The following JAK3 variants were observed in gnomAD, a reference collection of about 807,000 sequenced individuals.
JAK3 encodes Janus kinase 3.
A neutral mutation model predicts 120.8 loss-of-function variants in JAK3; 88 were observed. The observed-to-expected ratio is 0.73, with a 90% CI of 0.61 to 0.87. The LOEUF (loss-of-function observed/expected upper bound fraction) is 0.87. JAK3 is among the 40% of genes least tolerant of loss of function. The probability of loss-of-function intolerance (pLI) is 0.00; values close to 1 mark genes in which losing one functional copy is unlikely to be tolerated. For synonymous variants in JAK3, 592 were observed against 628.6 expected, an observed-to-expected ratio of 0.94 and a Z score of 0.87; for missense variants, 1,254 against 1,501.4, an observed-to-expected ratio of 0.84 and a Z score of 2.72.
intron 22 of JAK3, 40 bp from the exon 23 acceptor site, chr19:17,830,258 T>C (rs779854145): frequency 3.8e-6 from 4 of 1,043,426 alleles, no homozygotes; most frequent in Non-Finnish European, 5.4e-6. Flanking sequence ...GGGAGGAGCC[T>C]CCGTGGGTGG....
intron 23 of JAK3, chr19:17,829,907 T>C (rs911452834): frequency 3.1e-6 from 2 of 636,070 alleles, no homozygotes; most frequent in Non-Finnish European, 2.9e-6. Context: ...TATTCTCATT[T>C]TGGAAAAGGG....
chr19:17,846,063 C>T (rs2094251495), intron 1 of JAK3, among the ~76,000 whole-genome samples: 2 of 152,088 alleles, frequency 1.3e-5, no homozygotes, highest in Admixed American at 1.3e-4. Flanking sequence ...AGTGATCCTC[C>T]TGCCTCGGAC....
At chr19:17,837,241 T>A (rs765603614) in intron 12 of JAK3, 28 bp from the exon 13 acceptor site, 25 of 1,531,600 alleles carry the variant, frequency 1.6e-5, no homozygotes, top group Non-Finnish European at 2.0e-5. Context: ...GGAGAGAAGA[T>A]GCGTGGGTTT....
intron 14 of JAK3, 31 bp downstream of exon 14, chr19:17,835,893 T>TG (rs1228439620): frequency 1.2e-6 from 2 of 1,612,726 alleles, no homozygotes; most frequent in African/African-American, 2.7e-5. Context: ...TCCCTGGGAA[T>TG]GGAGGGTGGA....
chr19:17,833,044 AG>A, intron 17 of JAK3, 115 bp from the exon 18 acceptor site: 1 of 1,509,426 alleles, frequency 6.6e-7, no homozygotes, highest in Non-Finnish European at 8.9e-7. Flanking sequence ...GCATTATGGC[AG>A]GGCCATTGCA....
Position 17,832,436 on chromosome 19 carries a change from A to G in JAK3, c.2680+83T>C. The G allele has an allele frequency of 1.5e-6, 2 of 1,358,738 alleles. No individual in the cohort carries two copies. The highest frequency in any genetic ancestry group is 4.6e-5 in the East Asian group (2 of 43,670). The allele number at this position is 1,358,738 out of a possible 1,614,324, so 84.2% of individuals were successfully genotyped here. ...CAATAATCACGTTCCCAGCCTACCT[A>G]AAGTGGCCTGGCAGGAGGGTAAGAA... On this transcript the variant is annotated intron_variant, in intron 19 of 23. Transcript: ENST00000458235. This position sits in a 1 kb window ranked among gnomAD's most constrained non-coding sequence, Gnocchi z 4.7.
At chr19:17,827,153 A>G (rs1373464554) in intron 23 of JAK3, among the ~76,000 whole-genome samples, 3 of 151,468 alleles carry the variant, frequency 2.0e-5, no homozygotes, top group African/African-American at 7.3e-5. Flanking sequence ...CTAATTTTGT[A>G]TTTTGAGTAG....
In JAK3 at chr19:17,843,796, C is replaced by T; in HGVS notation, c.289G>A (p.Val97Ile). ...IFSVEDASTQ[V>I]LLYRIRFYFP... The stretch of plus-strand genomic sequence containing the variant: ...TCCTACCGAATCCTGTACAGCAGGA[C>T]TTGGGTGCTGGCATCCTCCACGGAG... Residue 97 changes from valine to isoleucine, a missense_variant, in exon 3 of 24, where the codon GTC becomes ATC. By Grantham distance (29) the Val-to-Ile change is conservative. Coordinates refer to ENST00000458235, the MANE Select transcript of JAK3 (RefSeq NM_000215.4). The surrounding 1 kb of genome is among the most constrained non-coding windows in gnomAD (Gnocchi z 5.4). The T allele has an allele frequency of 6.2e-7, 1 of 1,613,610 alleles. No homozygotes were observed. The highest frequency in any genetic ancestry group is 1.1e-5 in the South Asian group (1 of 91,076).
At position 17,837,961 on chromosome 19, in the gene JAK3, T is replaced by C. The variant is rs200993230; in HGVS notation, c.1672A>G (p.Met558Val). ...ARKTEVLLKV[M>V]DAKHKNCMES... ...ATGCAGTTCTTGTGCTTGGCATCCA[T>C]GACCTTCAGCAGCACCTCTGTCTTT... Residue 558 changes from methionine (M) to valine (V), a missense_variant, in exon 12 of 24, where the codon ATG becomes GTG. Physicochemically the swap from Met to Val is conservative, Grantham distance 21 (BLOSUM62 1). Transcript: ENST00000458235. 92 of 1,614,004 alleles carry C rather than the reference T, an allele frequency of 5.7e-5. No homozygotes were observed. The highest frequency in any genetic ancestry group is 7.8e-5 in the Non-Finnish European group (92 of 1,180,038).
intron 1 of JAK3, among the ~76,000 whole-genome samples, chr19:17,846,886 T>C (rs2094253437): frequency 6.9e-6 from 1 of 145,576 alleles, no homozygotes; most frequent in Non-Finnish European, 1.5e-5. Flanking sequence ...TGCCCAGCCT[T>C]TTTATTTATT....
chr19:17,829,541 T>G (rs961048295), intron 23 of JAK3, among the ~76,000 whole-genome samples: 1 of 152,106 alleles, frequency 6.6e-6, no homozygotes, highest in Non-Finnish European at 1.5e-5. Context: ...GAGAATCGCT[T>G]GAGCCCACGA....
chr19:17,837,218 G>A lies in JAK3; in HGVS notation c.1702-5C>T. The A allele has an allele frequency of 6.4e-7, 1 of 1,559,874 alleles. No homozygotes were observed. The highest frequency in any genetic ancestry group is 8.7e-7 in the Non-Finnish European group (1 of 1,150,992). On this transcript the variant is annotated splice_polypyrimidine_tract_variant and splice_region_variant and intron_variant, in intron 12 of 23. Transcript: ENST00000458235. Reference sequence around the variant, plus strand: ...GCTCGCTGCTTCCAGGAATGACTGGGGAAGGTGGGAAGGGAGAGAAGATGC... The same window carrying A: ...GCTCGCTGCTTCCAGGAATGACTGGAGAAGGTGGGAAGGGAGAGAAGATGC...
chr19:17,842,427 G>T lies in JAK3; in HGVS notation c.750C>A (p.Ala250=). Residue 250 remains alanine, a synonymous_variant, in exon 6 of 24, where the codon GCC becomes GCA. Coordinates refer to ENST00000458235, the MANE Select transcript of JAK3 (RefSeq NM_000215.4). The surrounding 1 kb of genome is among the most constrained non-coding windows in gnomAD (Gnocchi z 6.4). ...GGAGGCCCACGTGGAAGGTCTCGGCGGCCCCGGCTGGATCCAGCCGCTCCA... is the reference window on the plus strand; with the variant it reads ...GGAGGCCCACGTGGAAGGTCTCGGCTGCCCCGGCTGGATCCAGCCGCTCCA... The part of the protein sequence containing the change: ...MDLERLDPAG[A]AETFHVGLPG... 13 of 1,583,798 alleles carry T rather than the reference G, an allele frequency of 8.2e-6. No homozygotes were observed. Among genetic ancestry groups the T allele is most frequent in the Non-Finnish European group, 1.1e-5 (13 of 1,167,614 alleles).
rs778812304 is a variant in JAK3, at chr19:17,834,636, T to C, written c.2285A>G (p.Tyr762Cys). ...LALLIQQCMA[Y>C]EPVQRPSFRA... ...GAAGGAGGGCCTCTGGACCGGCTCA[T>C]AGGCCATGCACTGTTGAATCAGCAG... The change falls in exon 17 of 24, where the codon TAT becomes TGT. Residue 762 changes from tyrosine to cysteine, a missense_variant. Tyr to Cys is a radical substitution (Grantham distance 194). Coordinates refer to ENST00000458235, the MANE Select transcript of JAK3 (RefSeq NM_000215.4). 7.5e-6 allele frequency: 12 copies of C among 1,604,230 alleles called. No individual in the cohort carries two copies. The highest frequency in any genetic ancestry group is 9.4e-6 in the Non-Finnish European group (11 of 1,174,136).
At chr19:17,844,476 T>C (rs943965199) in intron 1 of JAK3, 46 bp from the exon 2 acceptor site, 7 of 1,524,824 alleles carry the variant, frequency 4.6e-6, no homozygotes, top group African/African-American at 2.8e-5. Context: ...TCAGAGGGGA[T>C]TGGACTTCTG....
chr19:17,840,780 A>AAG (rs1555745161), intron 8 of JAK3, among the ~76,000 whole-genome samples: 3 of 151,608 alleles, frequency 2.0e-5, no homozygotes, highest in African/African-American at 7.3e-5. Flanking sequence ...AAAAGAAAAA[A>AAG]GAAAATCAGC....
At position 17,837,204 on chromosome 19, in the gene JAK3, C is replaced by T; in HGVS notation, c.1711G>A (p.Glu571Lys). 1 of 1,567,240 alleles carries T rather than the reference C, an allele frequency of 6.4e-7. No homozygotes were observed. The highest frequency in any genetic ancestry group is 8.7e-7 in the Non-Finnish European group (1 of 1,155,368). The change falls in exon 13 of 24, where the codon GAA becomes AAA. Residue 571 changes from glutamate (E) to lysine (K), a missense_variant. Coordinates refer to ENST00000458235, the MANE Select transcript of JAK3 (RefSeq NM_000215.4). ...KHKNCMESFL[E>K]AASLMSQVSY... ...ACTTGGCTCATCAAGCTCGCTGCTT[C>T]CAGGAATGACTGGGGAAGGTGGGAA...
chr19:17,842,791 A>T lies in JAK3; in HGVS notation c.567-181T>A. ...CCGGACCTCAGAGTAGGGGAGGGCC[A>T]TTGGCGCCCACAGGTCGGACAGGGA... On this transcript the variant is annotated intron_variant, in intron 5 of 23. Transcript: ENST00000458235. This position sits in a 1 kb window ranked among gnomAD's most constrained non-coding sequence, Gnocchi z 6.4. 1 of 836,610 alleles carries T rather than the reference A, an allele frequency of 1.2e-6. No individual in the cohort carries two copies. The highest frequency in any genetic ancestry group is 1.8e-6 in the Non-Finnish European group (1 of 542,282). 51.8% of individuals were successfully genotyped at this position (836,610 alleles called of 1,614,324 possible). A position where few individuals can be genotyped will look rare whatever the true frequency, so the allele number is the denominator to read the frequency against.
intron 23 of JAK3, among the ~76,000 whole-genome samples, chr19:17,827,717 TAAAAAAAAAAAAAAA>T (rs760856974): frequency 1.8e-4 from 14 of 77,680 alleles, no homozygotes; most frequent in African/African-American, 6.0e-4. Context: ...CCATCTTAAC[TAAAAAAAAAAAAAAA>T]AAAAAAAAAA....
Sources: gnomAD v4.1 joint callset for allele counts (sites outside exome capture counted in the v4.1 genomes callset) on GRCh38, gnomAD v4.1.1 for gene constraint, Gnocchi (gnomAD v3.1) non-coding constraint, MANE v1.5 for transcripts, NCBI Gene and HGNC (gene_info 2026-07-23, HGNC 2026-07-21) for gene names.